Variants in KIAA1217 observed in about 807,000 individuals in gnomAD.
KIAA1217 encodes the protein KIAA1217.
KIAA1217 carries 88 observed loss-of-function variants against 163.9 expected under a neutral mutation model. The ratio of observed to expected loss-of-function variants is 0.54; its 90% CI spans 0.45 to 0.64. KIAA1217 has a LOEUF of 0.64. KIAA1217 is among the 30% of genes least tolerant of loss of function. The pLI is 0.00. For missense variants in KIAA1217, 2,372 were observed against 2,475.0 expected (o/e 0.96, Z 0.88); for synonymous variants, 903 against 923.1 (o/e 0.98, Z 0.39).
At chr10:24,148,813 C>A (rs889257982) in intron 2 of KIAA1217, among the ~76,000 whole-genome samples, 4 of 152,202 alleles carry the variant, frequency 2.6e-5, no homozygotes, top group African/African-American at 9.6e-5. Context: ...TGGACTAACA[C>A]ACATCATGAA....
chr10:24,070,253 T>A (rs1180822054), intron 2 of KIAA1217, among the ~76,000 whole-genome samples: 1 of 151,922 alleles, frequency 6.6e-6, no homozygotes, highest in African/African-American at 2.4e-5. Context: ...GAGGCATTAT[T>A]TGAAAGATAA....
At chr10:23,865,490 G>A (rs184910915) in intron 1 of KIAA1217, among the ~76,000 whole-genome samples, 9 of 151,638 alleles carry the variant, frequency 5.9e-5, no homozygotes, top group South Asian at 4.2e-4. Context: ...AATATTTCAC[G>A]TCATTTGCAA....
intron 2 of KIAA1217, among the ~76,000 whole-genome samples, chr10:24,335,644 C>G (rs2133684944): frequency 7.0e-6 from 1 of 142,014 alleles, no homozygotes; most frequent in East Asian, 2.2e-4. Flanking sequence ...GAGTCTCGTT[C>G]TGTCGCCCAG....
At chr10:23,880,357 G>A (rs994084798) in intron 1 of KIAA1217, among the ~76,000 whole-genome samples, 16 of 151,790 alleles carry the variant, frequency 1.1e-4, no homozygotes, top group Non-Finnish European at 2.4e-4. Flanking sequence ...ACAGAAAGAC[G>A]AACATCACCT....
rs927402679 is a variant in KIAA1217, at chr10:24,297,266, C to T, written c.354+77357C>T. On this transcript the variant is annotated intron_variant, in intron 2 of 20. Coordinates refer to ENST00000376454, the MANE Select transcript of KIAA1217 (RefSeq NM_019590.5). The stretch of plus-strand genomic sequence containing the variant: ...GCAGGGCCATGTTCTGTTAAGGAAA[C>T]AGATCCACTGACTACATTTGTGTTT... Among the ~76,000 whole-genome samples, 19 of 152,338 alleles carry T rather than the reference C, an allele frequency of 1.2e-4. 1 individual carries two copies. The highest frequency in any genetic ancestry group is 9.8e-4 in the Admixed American group (15 of 15,304).
At chr10:24,346,163 T>C (rs2047733941) in intron 2 of KIAA1217, among the ~76,000 whole-genome samples, 1 of 152,146 alleles carries the variant, frequency 6.6e-6, no homozygotes, top group African/African-American at 2.4e-5. Context: ...ATTTCCTTTT[T>C]AAGGCTTAAT....
intron 1 of KIAA1217, among the ~76,000 whole-genome samples, chr10:23,838,445 T>C (rs1838599054): frequency 6.6e-6 from 1 of 151,748 alleles, no homozygotes; most frequent in African/African-American, 2.4e-5. Flanking sequence ...CTTATGTTTA[T>C]TGACAACTTG....
intron 1 of KIAA1217, among the ~76,000 whole-genome samples, chr10:23,889,295 C>T (rs1448095296): frequency 6.6e-6 from 1 of 151,836 alleles, no homozygotes; most frequent in Admixed American, 6.6e-5. Context: ...GTTTCAGTAG[C>T]TCTTCATCCG....
intron 2 of KIAA1217, among the ~76,000 whole-genome samples, chr10:24,129,269 T>C: frequency 7.0e-6 from 1 of 142,096 alleles, no homozygotes; most frequent in Admixed American, 7.2e-5. Flanking sequence ...GATGAAAAAC[T>C]TATAGTCATT....
intron 5 of KIAA1217, among the ~76,000 whole-genome samples, chr10:24,441,299 C>A (rs1035580537): frequency 6.6e-6 from 1 of 152,064 alleles, no homozygotes; most frequent in African/African-American, 2.4e-5. Flanking sequence ...TGCTTATGAC[C>A]AATAAACATG....
At chr10:23,803,268 C>T (rs984075547) in intron 1 of KIAA1217, among the ~76,000 whole-genome samples, 1 of 152,234 alleles carries the variant, frequency 6.6e-6, no homozygotes, top group Non-Finnish European at 1.5e-5. Context: ...CTCATGCCAC[C>T]TTCAGTCCTG....
At position 24,543,971 on chromosome 10, in the gene KIAA1217, A is replaced by G; in HGVS notation, c.4701A>G (p.Glu1567=). The G allele has an allele frequency of 6.2e-7, 1 of 1,614,132 alleles. No individual in the cohort carries two copies. The change falls in exon 19 of 21, where the codon GAA becomes GAG. Residue 1567 remains glutamate (E), a synonymous_variant. Coordinates refer to ENST00000376454, the MANE Select transcript of KIAA1217 (RefSeq NM_019590.5). ...AGGACGCGACCGATGACCAGTTTGA[A>G]AGCCCCAAGAAAAAGTTTAAATTCA... ...KGEDATDDQF[E]SPKKKFKFKF...
intron 1 of KIAA1217, among the ~76,000 whole-genome samples, chr10:23,911,829 G>C (rs1432196844): frequency 2.0e-5 from 3 of 152,114 alleles, no homozygotes; most frequent in African/African-American, 7.2e-5. Context: ...TCAGTAGGCA[G>C]GTGAGATGAG....
At position 23,983,824 on chromosome 10, in the gene KIAA1217, A is replaced by C. The variant is rs59184985; in HGVS notation, c.-320-23401A>C. On this transcript the variant is annotated intron_variant, in intron 1 of 18. Coordinates refer to the KIAA1217 transcript ENST00000376462. ...TCATCTTATCCCAAGAACAGGATCCAAGTCCTGAATCTCATGATTGACATT... is the reference window on the plus strand; with the variant it reads ...TCATCTTATCCCAAGAACAGGATCCCAGTCCTGAATCTCATGATTGACATT... 9.0e-3 allele frequency among the ~76,000 whole-genome samples: 1,370 copies of C among 152,316 alleles called. 26 individuals are homozygous for C. The highest frequency in any genetic ancestry group is 0.031 in the African/African-American group (1,302 of 41,562).
intron 1 of KIAA1217, among the ~76,000 whole-genome samples, chr10:23,792,455 T>G (rs1244347878): frequency 1.3e-5 from 2 of 151,966 alleles, no homozygotes; most frequent in Non-Finnish European, 2.9e-5. Flanking sequence ...TGTTAAAATA[T>G]TAACCTCTTT....
chr10:24,267,067 A>G (rs16924453), intron 2 of KIAA1217, among the ~76,000 whole-genome samples: 3,702 of 152,324 alleles, frequency 0.024, 140 homozygotes, highest in African/African-American at 0.083. Flanking sequence ...ACACCTGCCA[A>G]GATAGTATTG....
chr10:24,227,626 G>A (rs2070769031), intron 2 of KIAA1217, among the ~76,000 whole-genome samples: 1 of 151,676 alleles, frequency 6.6e-6, no homozygotes, highest in Admixed American at 6.6e-5. Flanking sequence ...TCTGCCTCCT[G>A]GGTTCAGGCC....
intron 5 of KIAA1217, among the ~76,000 whole-genome samples, chr10:24,440,898 GA>G (rs2132039803): frequency 6.6e-6 from 1 of 152,354 alleles, no homozygotes; most frequent in African/African-American, 2.4e-5. Context: ...ACAGATTGCA[GA>G]CGCTAAAAGG....
At chr10:24,174,528 G>T (rs1421770505) in intron 2 of KIAA1217, among the ~76,000 whole-genome samples, 2 of 152,168 alleles carry the variant, frequency 1.3e-5, no homozygotes, top group African/African-American at 2.4e-5. Flanking sequence ...ACTGAAAGTG[G>T]CAAGGAAGGA....
Sources: allele counts gnomAD v4.1 joint callset (sites outside exome capture counted in the v4.1 genomes callset), GRCh38; gene constraint gnomAD v4.1.1; transcripts MANE v1.5; gene names NCBI Gene and HGNC (gene_info 2026-07-23, HGNC 2026-07-21).